The following CLASP1 variants were observed in gnomAD, a reference collection of about 807,000 sequenced individuals.
The protein encoded by CLASP1 is CLIP-associating protein 1.
A neutral mutation model predicts 192.3 loss-of-function variants in CLASP1; 38 were observed. That is an observed-to-expected ratio of 0.20 (90% CI 0.15 to 0.26). The LOEUF (loss-of-function observed/expected upper bound fraction) is 0.26. CLASP1 is among the 10% of genes least tolerant of loss of function. The probability of loss-of-function intolerance (pLI) is 1.00; values close to 1 mark genes in which losing one functional copy is unlikely to be tolerated. For synonymous variants in CLASP1, 691 were observed against 712.8 expected, an observed-to-expected ratio of 0.97 and a Z score of 0.49; for missense variants, 1,433 against 1,932.5, an observed-to-expected ratio of 0.74 and a Z score of 4.85.
chr2:121,643,777 A>C (rs1023390543), intron 1 of CLASP1, among the ~76,000 whole-genome samples: 2 of 152,136 alleles, frequency 1.3e-5, no homozygotes, highest in African/African-American at 4.8e-5. Flanking sequence ...TTCATCTATT[A>C]CTTGGGGAAT....
chr2:121,478,639 A>C (rs2091964080), intron 8 of CLASP1, among the ~76,000 whole-genome samples: 2 of 110,448 alleles, frequency 1.8e-5, no homozygotes, highest in African/African-American at 4.1e-5. Flanking sequence ...ATACACACAC[A>C]CACACCCCCC....
At chr2:121,644,361 A>C (rs1044949230) in intron 1 of CLASP1, among the ~76,000 whole-genome samples, 11 of 152,090 alleles carry the variant, frequency 7.2e-5, no homozygotes, top group African/African-American at 9.6e-5. Context: ...AAAAAAAAAA[A>C]AACAATGGCC....
chr2:121,500,696 G>A (rs1403861473), intron 8 of CLASP1, among the ~76,000 whole-genome samples: 1 of 152,108 alleles, frequency 6.6e-6, no homozygotes, highest in East Asian at 1.9e-4. Context: ...AATCATTTAG[G>A]TTAGAAATTC....
chr2:121,540,442 A>T (rs564523774), intron 2 of CLASP1, among the ~76,000 whole-genome samples: 1 of 152,036 alleles, frequency 6.6e-6, no homozygotes, highest in East Asian at 1.9e-4. Flanking sequence ...GTTCAAGTCC[A>T]GTGTGGGCAA....
At chr2:121,347,088 C>T (rs748942259) in exon 39 of CLASP1, 17 of 1,587,454 alleles carry the variant, frequency 1.1e-5, no homozygotes, top group African/African-American at 4.0e-5. Flanking sequence ...TCTCCGATTA[C>T]GGAATAAATT....
intron 37 of CLASP1, among the ~76,000 whole-genome samples, chr2:121,354,880 G>A (rs942793804): frequency 1.3e-5 from 2 of 152,106 alleles, no homozygotes; most frequent in African/African-American, 4.8e-5. Context: ...AGGCCTCCTG[G>A]TGCTCTTCGG....
intron 2 of CLASP1, among the ~76,000 whole-genome samples, chr2:121,595,079 T>C (rs1420094981): frequency 6.6e-6 from 1 of 152,240 alleles, no homozygotes; most frequent in Admixed American, 6.5e-5. Flanking sequence ...AGAAATCAAC[T>C]GTGGGGTACG....
At chr2:121,344,232 C>T in intron 39 of CLASP1, among the ~76,000 whole-genome samples, 1 of 152,202 alleles carries the variant, frequency 6.6e-6, no homozygotes, top group Non-Finnish European at 1.5e-5. Flanking sequence ...GCCCTAGCAA[C>T]ATGGCATCTC....
At chr2:121,512,713 C>T (rs1056475681) in intron 7 of CLASP1, among the ~76,000 whole-genome samples, 1 of 152,104 alleles carries the variant, frequency 6.6e-6, no homozygotes, top group Non-Finnish European at 1.5e-5. Flanking sequence ...TTCTCAACTG[C>T]GAAATGGACA....
At chr2:121,400,482 G>A (rs1485713468) in intron 28 of CLASP1, among the ~76,000 whole-genome samples, 1 of 152,214 alleles carries the variant, frequency 6.6e-6, no homozygotes, top group Non-Finnish European at 1.5e-5. Context: ...AGTCAAGGGA[G>A]CCAGAGAGGG....
intron 2 of CLASP1, among the ~76,000 whole-genome samples, chr2:121,580,594 A>T (rs2061018366): frequency 6.6e-6 from 1 of 152,180 alleles, no homozygotes; most frequent in Non-Finnish European, 1.5e-5. Flanking sequence ...CCCCCAAATC[A>T]CTGAAAACTC....
intron 2 of CLASP1, among the ~76,000 whole-genome samples, chr2:121,559,471 C>G (rs1339120141): frequency 6.6e-6 from 1 of 152,038 alleles, no homozygotes; most frequent in Non-Finnish European, 1.5e-5. Flanking sequence ...ATGTGGTATA[C>G]CTACATAATG....
chr2:121,406,859 G>A (rs1433862296), intron 25 of CLASP1, among the ~76,000 whole-genome samples: 1 of 152,086 alleles, frequency 6.6e-6, no homozygotes, highest in African/African-American at 2.4e-5. Context: ...TCAAAGTGCT[G>A]GGATTACAGG....
chr2:121,564,765 A>T (rs2059369241), intron 2 of CLASP1, among the ~76,000 whole-genome samples: 1 of 152,194 alleles, frequency 6.6e-6, no homozygotes, highest in South Asian at 2.1e-4. Flanking sequence ...CAGCAAATAA[A>T]TTTTTCCCCA....
Position 121,445,747 on chromosome 2 carries a change from A to G in CLASP1, c.1912+1590T>C, listed in dbSNP as rs2084209826. Reference sequence around the variant, plus strand: ...TGAAAACTTATCATCAGTGCTTCTGAAGGGTCAGCTCCATATTATCATACC... The same window carrying G: ...TGAAAACTTATCATCAGTGCTTCTGGAGGGTCAGCTCCATATTATCATACC... On this transcript the variant is annotated intron_variant, in intron 19 of 39. Transcript: ENST00000263710. Among the ~76,000 whole-genome samples, 2 of 152,206 alleles carry G rather than the reference A, an allele frequency of 1.3e-5. 1 individual carries two copies. The highest frequency in any genetic ancestry group is 4.1e-4 in the South Asian group (2 of 4,824).
At chr2:121,636,709 G>T (rs907214585) in intron 1 of CLASP1, among the ~76,000 whole-genome samples, 1 of 152,002 alleles carries the variant, frequency 6.6e-6, no homozygotes, top group Non-Finnish European at 1.5e-5. Flanking sequence ...AAAAATTTCA[G>T]ACATCCATAA....
At chr2:121,345,032 G>A (rs1180414238) in intron 39 of CLASP1, among the ~76,000 whole-genome samples, 5 of 152,164 alleles carry the variant, frequency 3.3e-5, no homozygotes, top group Admixed American at 1.3e-4. Flanking sequence ...GGTGGCGCAC[G>A]CCTGTAATCC....
intron 8 of CLASP1, among the ~76,000 whole-genome samples, chr2:121,500,636 C>T (rs1174574088): frequency 2.0e-5 from 3 of 152,064 alleles, no homozygotes; most frequent in Non-Finnish European, 4.4e-5. Context: ...TGTTTTTTGA[C>T]AGCAATTGAA....
chr2:121,470,083 G>C, intron 8 of CLASP1, 123 bp from the exon 9 acceptor site: 1 of 803,952 alleles, frequency 1.2e-6, no homozygotes, highest in Non-Finnish European at 2.0e-6. Flanking sequence ...ATACTCTTTT[G>C]GAATCTGAGG....
Sources: allele counts gnomAD v4.1 joint callset (sites outside exome capture counted in the v4.1 genomes callset), GRCh38; gene constraint gnomAD v4.1.1; transcripts MANE v1.5; gene names NCBI Gene and HGNC (gene_info 2026-07-23, HGNC 2026-07-21).